OR2A12: variants seen among roughly 807,000 people sequenced by gnomAD.
The protein encoded by OR2A12 is olfactory receptor family 2 subfamily A member 12, also known as olfactory receptor 2A12.
For synonymous variants in OR2A12, 153 were observed against 149.3 expected, an observed-to-expected ratio of 1.02 and a Z score of -0.18; for missense variants, 380 against 372.5, an observed-to-expected ratio of 1.02 and a Z score of -0.17.
chr7:144,091,657 T>G (rs191237364), intron 1 of OR2A12, among the ~76,000 whole-genome samples: 59 of 152,318 alleles, frequency 3.9e-4, no homozygotes, highest in African/African-American at 1.2e-3. Flanking sequence ...CTTGTATGTC[T>G]CCTTTTGAAG....
At position 144,096,673 on chromosome 7, in the gene OR2A12, A is replaced by G. The variant is rs2051267084; in HGVS notation, c.*633A>G. Reference sequence around the variant, plus strand: ...TAATGAAACTATGTATACCCTTAAAATGCAGCAATAATTTAACATTAAAAC... The same window carrying G: ...TAATGAAACTATGTATACCCTTAAAGTGCAGCAATAATTTAACATTAAAAC... On this transcript the variant is annotated 3_prime_UTR_variant, in exon 2 of 2. Coordinates refer to ENST00000641592, the MANE Select transcript of OR2A12 (RefSeq NM_001004135.2). The G allele has an allele frequency of 6.6e-6, 1 of 152,190 alleles. No individual in the cohort carries two copies. The highest frequency in any genetic ancestry group is 2.4e-5 in the African/African-American group (1 of 41,422). The allele number at this position is 152,190 out of a possible 1,614,324, so 9.4% of individuals were successfully genotyped here.
rs1045091070 is a variant in OR2A12, at chr7:144,098,235, A to G, written c.*2195A>G. On this transcript the variant is annotated 3_prime_UTR_variant, in exon 2 of 2. Coordinates refer to ENST00000641592, the MANE Select transcript of OR2A12 (RefSeq NM_001004135.2). ...GTTTTTCCCTTTATATATTTTTTTC[A>G]CATGTGTGTTGTCAGTTTACAATCA... is the stretch of plus-strand genomic sequence containing the variant. 2 of 152,180 alleles carry G rather than the reference A, an allele frequency of 1.3e-5. No individual in the cohort carries two copies. The highest frequency in any genetic ancestry group is 6.5e-5 in the Admixed American group (1 of 15,284). 9.4% of individuals were successfully genotyped at this position (152,180 alleles called of 1,614,324 possible).
intron 1 of OR2A12, among the ~76,000 whole-genome samples, chr7:144,089,310 G>A (rs988735668): frequency 1.3e-5 from 2 of 151,424 alleles, no homozygotes; most frequent in African/African-American, 4.9e-5. Context: ...GGGGGTGTGC[G>A]TGTGCATGTG....
At chr7:144,089,823 C>T (rs866008166) in intron 1 of OR2A12, among the ~76,000 whole-genome samples, 4 of 152,062 alleles carry the variant, frequency 2.6e-5, no homozygotes, top group Admixed American at 2.0e-4. Flanking sequence ...TAATTTTACC[C>T]TTTCAAAACA....
rs112474175 is a variant in OR2A12, at chr7:144,093,634, C to A, written c.-51-1423C>A. 2.9e-3 allele frequency among the ~76,000 whole-genome samples: 384 copies of A among 133,412 alleles called. 1 individual carries two copies. The highest frequency in any genetic ancestry group is 0.016 in the Middle Eastern group (4 of 244). The allele number at this position is 133,412 out of a possible 152,430, so 87.5% of individuals were successfully genotyped here. A position where few individuals can be genotyped will look rare whatever the true frequency, so the allele number is the denominator to read the frequency against. On this transcript the variant is annotated intron_variant, in intron 1 of 1. Coordinates refer to ENST00000641592, the MANE Select transcript of OR2A12 (RefSeq NM_001004135.2). The stretch of plus-strand genomic sequence containing the variant: ...TAATGCTATCCCTCCCCCCACCCCC[C>A]ACCCCGCAACAGGCCCCAGTGTGTG...
intron 1 of OR2A12, among the ~76,000 whole-genome samples, chr7:144,090,655 T>C (rs533614307): frequency 1.3e-5 from 2 of 152,308 alleles, no homozygotes; most frequent in South Asian, 2.1e-4. Flanking sequence ...TACCCATTAA[T>C]TGTTTTTCAT....
Position 144,098,909 on chromosome 7 carries a change from TTTC to T in OR2A12, c.*2875_*2877del, listed in dbSNP as rs1484766286. On this transcript the variant is annotated 3_prime_UTR_variant, in exon 2 of 2. Transcript: ENST00000641592. ...CTTTCTTTCTCTCTTTCTTCCTTTC[TTTC>T]TTCTTTCTTTCCTTCCTTCCTTCCT... 6 of 152,056 alleles carry T rather than the reference TTTC, an allele frequency of 3.9e-5. No homozygotes were observed. Among genetic ancestry groups the T allele is most frequent in the Admixed American group, 2.0e-4 (3 of 15,262 alleles). The allele number at this position is 152,056 out of a possible 1,614,324, so 9.4% of individuals were successfully genotyped here.
In OR2A12 at chr7:144,096,458, AAAAT is replaced by A. The variant is rs34335595; in HGVS notation, c.*438_*441del. 7.2e-5 allele frequency: 11 copies of A among 152,242 alleles called. No homozygotes were observed. In the East Asian group the frequency reaches 1.2e-3, roughly 16 times the overall value. 9.4% of individuals were successfully genotyped at this position (152,242 alleles called of 1,614,324 possible). A position where few individuals can be genotyped will look rare whatever the true frequency, so the allele number is the denominator to read the frequency against. ...GGCGACAGAGCAAGACTCCCTCTCA[AAAAT>A]AAATAAATAAATAAATAAAGAGAGA... On this transcript the variant is annotated 3_prime_UTR_variant, in exon 2 of 2. Coordinates refer to ENST00000641592, the MANE Select transcript of OR2A12 (RefSeq NM_001004135.2).
In OR2A12 at chr7:144,095,450, G is replaced by A. The variant is rs755561676; in HGVS notation, c.343G>A (p.Val115Met). 1 of 1,613,916 alleles carries A rather than the reference G, an allele frequency of 6.2e-7. No homozygotes were observed. The highest frequency in any genetic ancestry group is 2.2e-5 in the East Asian group (1 of 44,874). Reference sequence around the variant, plus strand: ...TGCTATTACAGAGTGTCTGATTTTGGTGATGATGTGCTATGATCGGTATGT... The same window carrying A: ...TGCTATTACAGAGTGTCTGATTTTGATGATGATGTGCTATGATCGGTATGT... ...AFAITECLIL[V>M]MMCYDRYVAI... is the part of the protein sequence containing the mutation. The change falls in exon 2 of 2, where the codon GTG becomes ATG. Residue 115 changes from valine to methionine, a missense_variant. Coordinates refer to ENST00000641592, the MANE Select transcript of OR2A12 (RefSeq NM_001004135.2).
rs1563042806 is a variant in OR2A12, at chr7:144,095,578, C to T, written c.471C>T (p.Val157=). ...CWIFSFLLAL[V]HITLILRLPF... is the part of the protein sequence containing the mutation. ...TATTTAGCTTTCTCTTGGCTCTGGT[C>T]CATATTACTCTTATTCTGAGGCTGC... The change falls in exon 2 of 2, where the codon GTC becomes GTT. Residue 157 remains valine (V), a synonymous_variant. Transcript: ENST00000641592. The T allele has an allele frequency of 1.2e-6, 2 of 1,614,022 alleles. No individual in the cohort carries two copies. Among genetic ancestry groups the T allele is most frequent in the Non-Finnish European group, 1.7e-6 (2 of 1,179,958 alleles).
At chr7:144,094,722 GAAA>G (rs1446068881) in intron 1 of OR2A12, among the ~76,000 whole-genome samples, 1 of 152,108 alleles carries the variant, frequency 6.6e-6, no homozygotes, top group African/African-American at 2.4e-5. Flanking sequence ...ACTTCTGGGA[GAAA>G]ATAAAGATTG....
chr7:144,095,049 C>T lies in OR2A12; in HGVS notation c.-51-8C>T. ...TATAATGAAATGTTTTTTATTTTCT[C>T]CCATTAGCTGTGAAATTTCTGTCTT... On this transcript the variant is annotated splice_polypyrimidine_tract_variant and splice_region_variant and intron_variant, in intron 1 of 1. Coordinates refer to ENST00000641592, the MANE Select transcript of OR2A12 (RefSeq NM_001004135.2). The T allele has an allele frequency of 2.7e-6, 3 of 1,122,520 alleles. No individual in the cohort carries two copies. The highest frequency in any genetic ancestry group is 1.5e-5 in the South Asian group (1 of 66,764). 69.5% of individuals were successfully genotyped at this position (1,122,520 alleles called of 1,614,324 possible). A position where few individuals can be genotyped will look rare whatever the true frequency, so the allele number is the denominator to read the frequency against.
chr7:144,092,011 C>T (rs978111607), intron 1 of OR2A12, among the ~76,000 whole-genome samples: 1 of 152,082 alleles, frequency 6.6e-6, no homozygotes, highest in African/African-American at 2.4e-5. Context: ...TTTAATCCAT[C>T]GTGAGTTGAT....
chr7:144,094,966 TG>T, intron 1 of OR2A12, 90 bp from the exon 2 acceptor site: 1 of 591,336 alleles, frequency 1.7e-6, no homozygotes, highest in Non-Finnish European at 2.9e-6. Flanking sequence ...CATAGGACTT[TG>T]GGCTGGATGT....
chr7:144,093,484 CT>C (rs542902309), intron 1 of OR2A12, among the ~76,000 whole-genome samples: 4 of 151,714 alleles, frequency 2.6e-5, no homozygotes, highest in South Asian at 2.1e-4. Flanking sequence ...TTATATTTCT[CT>C]TTTTTTTAAT....
Position 144,095,826 on chromosome 7 carries a change from G to A in OR2A12, c.719G>A (p.Cys240Tyr). 3 of 1,614,120 alleles carry A rather than the reference G, an allele frequency of 1.9e-6. No homozygotes were observed. The highest frequency in any genetic ancestry group is 1.7e-5 in the Admixed American group (1 of 60,004). ...GGCCGCAGAAAGGCCTTCTCTACCT[G>A]CTCCTCCCACCTCTGCGTGGTGGGG... is the stretch of plus-strand genomic sequence containing the variant. ...GEGRRKAFST[C>Y]SSHLCVVGLF... The change falls in exon 2 of 2, where the codon TGC becomes TAC. Residue 240 changes from cysteine (C) to tyrosine (Y), a missense_variant. Coordinates refer to ENST00000641592, the MANE Select transcript of OR2A12 (RefSeq NM_001004135.2).
Position 144,096,227 on chromosome 7 carries a change from G to T in OR2A12, c.*187G>T, listed in dbSNP as rs929565889. The T allele has an allele frequency of 8.2e-6, 4 of 489,414 alleles. No individual in the cohort carries two copies. Among genetic ancestry groups the T allele is most frequent in the Non-Finnish European group, 1.4e-5 (4 of 278,860 alleles). 30.3% of individuals were successfully genotyped at this position (489,414 alleles called of 1,614,324 possible). A position where few individuals can be genotyped will look rare whatever the true frequency, so the allele number is the denominator to read the frequency against. ...CCCAACACTTTGGGAGGCTGACCTG[G>T]GCGGATTACCTGAGGTCAGGAGTTC... On this transcript the variant is annotated 3_prime_UTR_variant, in exon 2 of 2. Coordinates refer to ENST00000641592, the MANE Select transcript of OR2A12 (RefSeq NM_001004135.2).
At chr7:144,088,483 C>T (rs971794692) in intron 1 of OR2A12, among the ~76,000 whole-genome samples, 1 of 152,164 alleles carries the variant, frequency 6.6e-6, no homozygotes, top group South Asian at 2.1e-4. Flanking sequence ...TCTGGACCTT[C>T]TGCATTTCAT....
In OR2A12 at chr7:144,096,159, T is replaced by C; in HGVS notation, c.*119T>C. 1.2e-6 allele frequency: 1 copy of C among 806,540 alleles called. No individual in the cohort carries two copies. 50.0% of individuals were successfully genotyped at this position (806,540 alleles called of 1,614,324 possible). A position where few individuals can be genotyped will look rare whatever the true frequency, so the allele number is the denominator to read the frequency against. On this transcript the variant is annotated 3_prime_UTR_variant, in exon 2 of 2. Transcript: ENST00000641592. ...ATACTGTTTATCTTTAGACTTCTTA[T>C]AAAAAGAGAAACTGGCCTGGCGTGG...
Sources: gnomAD v4.1 joint callset for allele counts (sites outside exome capture counted in the v4.1 genomes callset) on GRCh38, gnomAD v4.1.1 for gene constraint, MANE v1.5 for transcripts, NCBI Gene and HGNC (gene_info 2026-07-23, HGNC 2026-07-21) for gene names.